Variants in CYRIA observed in about 807,000 individuals in gnomAD.
CYRIA encodes CYFIP related Rac1 interactor A.
In CYRIA, 15 loss-of-function variants were observed where a neutral mutation model predicts 43.9. The observed-to-expected ratio is 0.34, with a 90% CI of 0.23 to 0.53. The LOEUF is 0.53. Ranked by LOEUF, CYRIA falls within the 20% of genes least tolerant of loss-of-function variation. The pLI is 0.94. For synonymous variants in CYRIA, 117 were observed against 136.0 expected, an observed-to-expected ratio of 0.86 and a Z score of 0.97; for missense variants, 236 against 394.2, an observed-to-expected ratio of 0.60 and a Z score of 3.40.
rs57235858 is a variant in CYRIA, at chr2:16,601,711, C to CAAAAA, written c.-10-13587_-10-13583dup. Among the ~76,000 whole-genome samples the CAAAAA allele has an allele frequency of 4.5e-3, 562 of 123,660 alleles. 7 individuals carry two copies. The highest frequency in any genetic ancestry group is 0.015 in the African/African-American group (514 of 35,090). The allele number at this position is 123,660 out of a possible 152,430, so 81.1% of individuals were successfully genotyped here. A position where few individuals can be genotyped will look rare whatever the true frequency, so the allele number is the denominator to read the frequency against. The stretch of plus-strand genomic sequence containing the variant: ...AATTCTCTAGTCACATTTCCAGTTT[C>CAAAAA]AAAAAAAAAAAAAAAGAGAGAATTC... On this transcript the variant is annotated intron_variant, in intron 2 of 11. Coordinates refer to ENST00000381323, the MANE Select transcript of CYRIA (RefSeq NM_030797.4).
chr2:16,570,514 A>C (rs1572466087), intron 3 of CYRIA, among the ~76,000 whole-genome samples: 1 of 152,190 alleles, frequency 6.6e-6, no homozygotes, highest in East Asian at 1.9e-4. Context: ...GAGGCTTTGG[A>C]GTCTTACACT....
chr2:16,614,619 T>C (rs1316460246), intron 2 of CYRIA, among the ~76,000 whole-genome samples: 1 of 152,156 alleles, frequency 6.6e-6, no homozygotes, highest in Non-Finnish European at 1.5e-5. Context: ...GACAGCAAAT[T>C]GTGATTCCAA....
chr2:16,575,356 TG>T (rs1300187487), intron 3 of CYRIA, among the ~76,000 whole-genome samples: 11 of 152,156 alleles, frequency 7.2e-5, no homozygotes, highest in Admixed American at 5.2e-4. Flanking sequence ...AAGGCATGAC[TG>T]ATTTTGAAAT....
intron 4 of CYRIA, 29 bp from the exon 5 acceptor site, chr2:16,564,123 T>C: frequency 1.3e-6 from 2 of 1,547,638 alleles, no homozygotes; most frequent in East Asian, 4.5e-5. Context: ...GCTGACTGTT[T>C]AAAAAGAAGT....
intron 3 of CYRIA, among the ~76,000 whole-genome samples, chr2:16,566,657 C>A (rs565005789): frequency 6.6e-6 from 1 of 152,252 alleles, no homozygotes; most frequent in East Asian, 1.9e-4. Context: ...ATAATGAAAA[C>A]AGTATTCTAA....
intron 1 of CYRIA, among the ~76,000 whole-genome samples, chr2:16,651,036 C>T (rs1669960785): frequency 6.6e-6 from 1 of 152,134 alleles, no homozygotes; most frequent in African/African-American, 2.4e-5. Flanking sequence ...CTATGCTATC[C>T]GGCCCCACTT....
At chr2:16,581,195 T>C (rs1471215537) in intron 3 of CYRIA, among the ~76,000 whole-genome samples, 5 of 152,170 alleles carry the variant, frequency 3.3e-5, no homozygotes, top group Non-Finnish European at 4.4e-5. Flanking sequence ...TTGCAAGATA[T>C]AGCTTACAAA....
At chr2:16,613,402 G>A (rs190865509) in intron 2 of CYRIA, among the ~76,000 whole-genome samples, 1 of 152,310 alleles carries the variant, frequency 6.6e-6, no homozygotes, top group African/African-American at 2.4e-5. Flanking sequence ...GCTTTCAAAA[G>A]GCCTTCATCT....
At chr2:16,603,215 C>T (rs1042670749) in intron 2 of CYRIA, among the ~76,000 whole-genome samples, 1 of 152,176 alleles carries the variant, frequency 6.6e-6, no homozygotes, top group Non-Finnish European at 1.5e-5. Flanking sequence ...CCTAGAGTGG[C>T]TCTGCTCTTG....
intron 2 of CYRIA, among the ~76,000 whole-genome samples, chr2:16,611,606 G>A (rs1473225708): frequency 2.0e-5 from 3 of 152,178 alleles, no homozygotes; most frequent in South Asian, 2.1e-4. Context: ...GACTAGAATA[G>A]TCTGGGAGGG....
chr2:16,642,111 C>G (rs952522451), intron 1 of CYRIA, among the ~76,000 whole-genome samples: 3 of 152,140 alleles, frequency 2.0e-5, no homozygotes, highest in Non-Finnish European at 4.4e-5. Flanking sequence ...CTTTGGTGAT[C>G]TTGCCTTAGT....
At chr2:16,635,764 C>A (rs1669478188) in intron 1 of CYRIA, among the ~76,000 whole-genome samples, 2 of 152,188 alleles carry the variant, frequency 1.3e-5, no homozygotes, top group Admixed American at 1.3e-4. Context: ...AAGTCACTTT[C>A]TAATAGGAGT....
At chr2:16,569,942 C>G (rs1667070237) in intron 3 of CYRIA, among the ~76,000 whole-genome samples, 1 of 152,074 alleles carries the variant, frequency 6.6e-6, no homozygotes, top group Admixed American at 6.6e-5. Flanking sequence ...TTTAAATATA[C>G]TACTCACACT....
chr2:16,641,529 C>A (rs1669676372), intron 1 of CYRIA, among the ~76,000 whole-genome samples: 1 of 152,234 alleles, frequency 6.6e-6, no homozygotes, highest in African/African-American at 2.4e-5. Flanking sequence ...TCTGAACTCT[C>A]ATAATTTTAC....
chr2:16,614,672 C>T (rs1450510514), intron 2 of CYRIA, among the ~76,000 whole-genome samples: 2 of 152,162 alleles, frequency 1.3e-5, no homozygotes, highest in Non-Finnish European at 2.9e-5. Flanking sequence ...ATCTGACAAC[C>T]CAGCTCAGCT....
At chr2:16,598,804 T>C (rs879077370) in intron 2 of CYRIA, among the ~76,000 whole-genome samples, 21 of 118,494 alleles carry the variant, frequency 1.8e-4, no homozygotes, top group African/African-American at 5.0e-4. Flanking sequence ...GGAGGAGAGG[T>C]GCTCTGCGTT....
In CYRIA at chr2:16,600,358, A is replaced by G. The variant is rs568564487; in HGVS notation, c.-10-12229T>C. On this transcript the variant is annotated intron_variant, in intron 2 of 11. Coordinates refer to ENST00000381323, the MANE Select transcript of CYRIA (RefSeq NM_030797.4). ...AAAAAGCAATGCCTATCCCACGAAA[A>G]GGCAATCTGATAACAGTTTGGGTGG... is the stretch of plus-strand genomic sequence containing the variant. Among the ~76,000 whole-genome samples the G allele has an allele frequency of 5.1e-4, 77 of 152,326 alleles. 1 individual carries two copies. The highest frequency in any genetic ancestry group is 2.0e-3 in the Admixed American group (30 of 15,298).
chr2:16,598,787 C>T (rs1409873600), intron 2 of CYRIA, among the ~76,000 whole-genome samples: 1 of 117,036 alleles, frequency 8.5e-6, no homozygotes, highest in East Asian at 2.0e-4. Context: ...AACTGCGTTC[C>T]TTTGGAGGAG....
chr2:16,579,784 A>T (rs1327579890), intron 3 of CYRIA, among the ~76,000 whole-genome samples: 8 of 152,180 alleles, frequency 5.3e-5, no homozygotes, highest in Non-Finnish European at 1.2e-4. Context: ...GAAGGCAAAT[A>T]TGACAAATAG....
Sources: allele counts gnomAD v4.1 joint callset (sites outside exome capture counted in the v4.1 genomes callset), GRCh38; gene constraint gnomAD v4.1.1; transcripts MANE v1.5; gene names NCBI Gene and HGNC (gene_info 2026-07-23, HGNC 2026-07-21).